METTL15: variants seen among roughly 807,000 people sequenced by gnomAD.
METTL15 encodes methyltransferase 15, mitochondrial 12S rRNA N4-cytidine.
Under a neutral mutation model 38.3 loss-of-function variants are expected in METTL15, and 34 were observed. The observed-to-expected ratio is 0.89, with a 90% CI of 0.68 to 1.18. The LOEUF (loss-of-function observed/expected upper bound fraction) is 1.18, where lower values mean the gene tolerates loss of function less well. Ranked by LOEUF, METTL15 falls within the 50% of genes most tolerant of loss-of-function variation. METTL15 has a pLI of 0.00. For missense variants in METTL15, 438 were observed against 498.4 expected (o/e 0.88, Z 1.15); for synonymous variants, 162 against 170.9 (o/e 0.95, Z 0.41).
At chr11:28,278,685 T>C (rs888643292) in intron 4 of METTL15, among the ~76,000 whole-genome samples, 1 of 152,230 alleles carries the variant, frequency 6.6e-6, no homozygotes, top group South Asian at 2.1e-4. Flanking sequence ...CAGTACTGCA[T>C]ACTTGACTGC....
downstream of METTL15, among the ~76,000 whole-genome samples, chr11:28,337,633 T>C (rs1258534534): frequency 6.6e-6 from 1 of 152,164 alleles, no homozygotes; most frequent in Admixed American, 6.6e-5. Flanking sequence ...TCAAAGCAAC[T>C]TCCAGTCATA....
chr11:28,139,977 G>A (rs537998942), intron 3 of METTL15, among the ~76,000 whole-genome samples: 2 of 152,108 alleles, frequency 1.3e-5, no homozygotes, highest in Non-Finnish European at 2.9e-5. Flanking sequence ...GGAGACCCAT[G>A]GCGGGAGTTG....
rs756584706 is a variant in METTL15, at chr11:28,453,546, G to T, written c.*424+29182G>T. 2.3e-4 allele frequency among the ~76,000 whole-genome samples: 35 copies of T among 152,236 alleles called. 2 individuals carry two copies. The South Asian group carries it at 2.5e-3, about 11-fold the overall frequency. ...ATCTGTAACTTTCCTCCAAGGATGT[G>T]GTATTACTTTAGATTTACTTATTTT... On this transcript the variant is annotated intron_variant and NMD_transcript_variant, in intron 6 of 7. Coordinates refer to the METTL15 transcript ENST00000532947.
intron 5 of METTL15, among the ~76,000 whole-genome samples, chr11:28,374,350 G>T (rs1278072523): frequency 1.3e-5 from 2 of 152,164 alleles, no homozygotes; most frequent in African/African-American, 4.8e-5. Flanking sequence ...TTGAGCAGCG[G>T]TTTGTAGCTC....
At chr11:28,154,942 C>T (rs1055749110) in intron 3 of METTL15, among the ~76,000 whole-genome samples, 5 of 152,022 alleles carry the variant, frequency 3.3e-5, no homozygotes, top group Admixed American at 6.6e-5. Flanking sequence ...CAAAACTGGG[C>T]AAGTTTTATC....
At chr11:28,128,907 T>C (rs1852618848) in intron 3 of METTL15, among the ~76,000 whole-genome samples, 1 of 152,216 alleles carries the variant, frequency 6.6e-6, no homozygotes, top group African/African-American at 2.4e-5. Context: ...TTCACTATAC[T>C]GTATAAATTA....
intron 6 of METTL15, among the ~76,000 whole-genome samples, chr11:28,445,221 A>T (rs1161958630): frequency 6.6e-6 from 1 of 152,204 alleles, no homozygotes; most frequent in African/African-American, 2.4e-5. Context: ...AAAACTCTTT[A>T]CTTTGAAATC....
chr11:28,328,251 T>A, intron 6 of METTL15: 2 of 1,266,882 alleles, frequency 1.6e-6, no homozygotes, highest in Non-Finnish European at 2.2e-6. Context: ...TCCCCTAGTG[T>A]CTAACATTCT....
chr11:28,123,441 C>A (rs1852335975), intron 3 of METTL15, among the ~76,000 whole-genome samples: 1 of 152,048 alleles, frequency 6.6e-6, no homozygotes, highest in Admixed American at 6.6e-5. Context: ...AAGTAGCATA[C>A]GTAAAATGTT....
At chr11:28,314,722 A>G (rs1857421395) in intron 6 of METTL15, among the ~76,000 whole-genome samples, 1 of 152,150 alleles carries the variant, frequency 6.6e-6, no homozygotes, top group South Asian at 2.1e-4. Flanking sequence ...CTCAAATCTC[A>G]TCTTGTAGGT....
chr11:28,208,690 G>A (rs1258420984), intron 3 of METTL15, among the ~76,000 whole-genome samples: 1 of 152,002 alleles, frequency 6.6e-6, no homozygotes, highest in African/African-American at 2.4e-5. Flanking sequence ...TCCTTGATCT[G>A]TCTAATGTTG....
chr11:28,266,364 G>A (rs888527954), intron 4 of METTL15, among the ~76,000 whole-genome samples: 9 of 152,106 alleles, frequency 5.9e-5, no homozygotes, highest in Admixed American at 4.6e-4. Flanking sequence ...ATACACCATG[G>A]AATACTATGC....
At chr11:28,379,218 G>T (rs967317872) in intron 5 of METTL15, among the ~76,000 whole-genome samples, 2 of 151,530 alleles carry the variant, frequency 1.3e-5, no homozygotes, top group South Asian at 2.1e-4. Context: ...GTTTAATTCT[G>T]CTTTGATTTT....
At chr11:28,378,046 C>T (rs1378482999) in intron 5 of METTL15, among the ~76,000 whole-genome samples, 2 of 152,124 alleles carry the variant, frequency 1.3e-5, no homozygotes, top group Admixed American at 6.5e-5. Context: ...GGGAGAACCA[C>T]TGCTCTCTTC....
intron 6 of METTL15, among the ~76,000 whole-genome samples, chr11:28,477,822 A>G (rs2133469775): frequency 6.6e-6 from 1 of 152,204 alleles, no homozygotes; most frequent in Admixed American, 6.5e-5. Context: ...TTCTTCTTCA[A>G]TATTTATTTG....
At chr11:28,159,051 G>T (rs1850360498) in intron 3 of METTL15, among the ~76,000 whole-genome samples, 1 of 152,102 alleles carries the variant, frequency 6.6e-6, no homozygotes, top group African/African-American at 2.4e-5. Flanking sequence ...TTTGCTTCCT[G>T]TTCCCGCGAC....
intron 5 of METTL15, among the ~76,000 whole-genome samples, chr11:28,382,253 A>T (rs902013130): frequency 1.3e-5 from 2 of 152,138 alleles, no homozygotes; most frequent in African/African-American, 4.8e-5. Context: ...AGCCACTCTG[A>T]TGTGGCGTGT....
intron 3 of METTL15, among the ~76,000 whole-genome samples, chr11:28,339,122 C>T (rs1370401261): frequency 1.3e-5 from 2 of 151,992 alleles, no homozygotes; most frequent in Non-Finnish European, 1.5e-5. Flanking sequence ...TTAAATTGAT[C>T]CTAGACACTA....
At chr11:28,416,954 A>AT (rs1850777420) in intron 5 of METTL15, among the ~76,000 whole-genome samples, 1 of 152,212 alleles carries the variant, frequency 6.6e-6, no homozygotes, top group South Asian at 2.1e-4. Context: ...TTTGGAAAGA[A>AT]TCATTTATTG....
Sources: allele counts gnomAD v4.1 joint callset (sites outside exome capture counted in the v4.1 genomes callset), GRCh38; gene constraint gnomAD v4.1.1; transcripts MANE v1.5; gene names NCBI Gene and HGNC (gene_info 2026-07-23, HGNC 2026-07-21).